Variants in SYNE1 observed in about 807,000 individuals in gnomAD.
SYNE1 encodes the protein spectrin repeat containing nuclear envelope protein 1.
Under a neutral mutation model 1,111.0 loss-of-function variants are expected in SYNE1, and 616 were observed. That is an observed-to-expected ratio of 0.55 (90% CI 0.52 to 0.59). The LOEUF is 0.59. Among genes scored for constraint, SYNE1 ranks in the 20% least tolerant of loss-of-function variants. SYNE1 has a pLI of 0.00. For missense variants in SYNE1, 10,006 were observed against 10,417.0 expected, an observed-to-expected ratio of 0.96 and a Z score of 1.72; for synonymous variants, 3,855 against 3,825.8, an observed-to-expected ratio of 1.01 and a Z score of -0.28.
At position 152,330,224 on chromosome 6, in the gene SYNE1, G is replaced by A; in HGVS notation, c.14461C>T (p.Leu4821=). The A allele has an allele frequency of 6.2e-7, 1 of 1,614,158 alleles. No homozygotes were observed. Among genetic ancestry groups the A allele is most frequent in the Non-Finnish European group, 8.5e-7 (1 of 1,180,028 alleles). The change falls in exon 78 of 146, where the codon CTG becomes TTG. Residue 4821 remains leucine, a synonymous_variant. Coordinates refer to ENST00000367255, the MANE Select transcript of SYNE1 (RefSeq NM_182961.4). ...CCTGAGTCCTGGAGACTTCCTGCCA[G>A]GGAGTGATACATTTTGAGCTTCTCC... ...AEEKLKMYHS[L]AGSLQDSGIV...
At chr6:152,547,308 T>C (rs760012624) in intron 3 of SYNE1, among the ~76,000 whole-genome samples, 3 of 152,144 alleles carry the variant, frequency 2.0e-5, no homozygotes, top group South Asian at 4.1e-4. Context: ...TGCGACCAAA[T>C]AGGGGAAGGA....
intron 3 of SYNE1, among the ~76,000 whole-genome samples, chr6:152,578,090 G>A (rs1433261841): frequency 6.6e-6 from 1 of 151,944 alleles, no homozygotes; most frequent in Non-Finnish European, 1.5e-5. Context: ...GCTACAATAG[G>A]CAGTGAAACA....
chr6:152,562,116 A>G (rs1407255548), intron 3 of SYNE1, among the ~76,000 whole-genome samples: 1 of 152,214 alleles, frequency 6.6e-6, no homozygotes, highest in Non-Finnish European at 1.5e-5. Flanking sequence ...AACAGAGGGA[A>G]GAGACAACCT....
intron 122 of SYNE1, among the ~76,000 whole-genome samples, 178 bp from the exon 123 acceptor site, chr6:152,213,937 AC>A (rs1444594404): frequency 6.6e-6 from 1 of 152,230 alleles, no homozygotes; most frequent in Admixed American, 6.5e-5. Flanking sequence ...GCAGTGGCTC[AC>A]GCCTGTAATC....
chr6:152,183,524 C>A (rs1298413148), intron 128 of SYNE1, among the ~76,000 whole-genome samples: 1 of 152,054 alleles, frequency 6.6e-6, no homozygotes, highest in Non-Finnish European at 1.5e-5. Flanking sequence ...TCGCTTGAGC[C>A]CGGGAGGCGG....
At chr6:152,520,627 A>C in intron 5 of SYNE1, 85 bp from the exon 6 acceptor site, 1 of 1,439,036 alleles carries the variant, frequency 6.9e-7, no homozygotes, top group Non-Finnish European at 9.7e-7. Flanking sequence ...ATGGATTAAA[A>C]ATATACTTGA....
chr6:152,260,023 C>T (rs529624108), intron 101 of SYNE1, among the ~76,000 whole-genome samples: 16 of 152,188 alleles, frequency 1.1e-4, no homozygotes, highest in Admixed American at 5.2e-4. Context: ...GCTGGAGTGT[C>T]GGCTCCAACT....
At chr6:152,273,037 C>T (rs995342276) in intron 98 of SYNE1, among the ~76,000 whole-genome samples, 7 of 152,168 alleles carry the variant, frequency 4.6e-5, no homozygotes, top group Non-Finnish European at 1.0e-4. Context: ...ATTTTATATG[C>T]TGGGAACTTC....
At chr6:152,365,534 A>C (rs1396453882) in intron 62 of SYNE1, among the ~76,000 whole-genome samples, 1 of 152,050 alleles carries the variant, frequency 6.6e-6, no homozygotes, top group Non-Finnish European at 1.5e-5. Flanking sequence ...ATCATAGTTC[A>C]CTGCAGCCTC....
chr6:152,151,203 C>T (rs1185323300), intron 135 of SYNE1, among the ~76,000 whole-genome samples: 1 of 149,024 alleles, frequency 6.7e-6, no homozygotes, highest in South Asian at 2.1e-4. Context: ...GCCTGGGCGA[C>T]AGAGTGAGAC....
At chr6:152,201,591 T>C (rs752149460) in intron 127 of SYNE1, among the ~76,000 whole-genome samples, 3 of 152,162 alleles carry the variant, frequency 2.0e-5, no homozygotes, top group Non-Finnish European at 4.4e-5. Context: ...TATCTTTTAA[T>C]GTGTTTTAAA....
chr6:152,528,166 A>G (rs2099172996), intron 4 of SYNE1, among the ~76,000 whole-genome samples: 1 of 151,914 alleles, frequency 6.6e-6, no homozygotes, highest in Admixed American at 6.6e-5. Context: ...TCACCACTCA[A>G]TCCTGAGTCC....
rs2154063266 is a variant in SYNE1, at chr6:152,359,422, G to A, written c.10336C>T (p.Leu3446=). ...GCCCCTTTGACTTCGATGGTCTCCA[G>A]CAAGCTGCTGTAACTCAGCACTTCT... ...NEEVLSYSSL[L]ETIEVKGAGM... Residue 3446 remains leucine (L), a synonymous_variant, in exon 65 of 146, where the codon CTG becomes TTG. Transcript: ENST00000367255. 2 of 1,614,174 alleles carry A rather than the reference G, an allele frequency of 1.2e-6. No homozygotes were observed. Among genetic ancestry groups the A allele is most frequent in the East Asian group, 4.5e-5 (2 of 44,874 alleles).
intron 58 of SYNE1, among the ~76,000 whole-genome samples, chr6:152,375,587 A>T (rs1312891243): frequency 2.0e-5 from 3 of 152,234 alleles, no homozygotes; most frequent in Non-Finnish European, 2.9e-5. Flanking sequence ...TAGGTTAAAA[A>T]AAAAGACTAG....
intron 14 of SYNE1, 28 bp downstream of exon 14, chr6:152,483,057 T>C (rs984216385): frequency 1.2e-6 from 2 of 1,614,018 alleles, no homozygotes; most frequent in Non-Finnish European, 1.7e-6. Flanking sequence ...GCTGTTATGC[T>C]GCAAGGTTTT....
chr6:152,348,863 G>A (rs1200479762), intron 72 of SYNE1, among the ~76,000 whole-genome samples: 1 of 151,820 alleles, frequency 6.6e-6, no homozygotes, highest in African/African-American at 2.4e-5. Context: ...CAGCAGTCCA[G>A]GGTCTACAAA....
At chr6:152,255,768 C>A in intron 102 of SYNE1, 22 bp from the exon 103 acceptor site, 1 of 1,613,838 alleles carries the variant, frequency 6.2e-7, no homozygotes. Flanking sequence ...AAAACAGGGT[C>A]AAATAATCAA....
intron 3 of SYNE1, among the ~76,000 whole-genome samples, chr6:152,602,117 A>T (rs1167614141): frequency 1.3e-5 from 2 of 152,096 alleles, no homozygotes; most frequent in Admixed American, 6.6e-5. Flanking sequence ...AAAGACTTGG[A>T]TATTGATATG....
At chr6:152,153,383 C>A (rs1428116283) in intron 133 of SYNE1, among the ~76,000 whole-genome samples, 1 of 152,190 alleles carries the variant, frequency 6.6e-6, no homozygotes, top group Non-Finnish European at 1.5e-5. Flanking sequence ...GCGATTGGAC[C>A]AGCTAAAGAC....
Sources: allele counts gnomAD v4.1 joint callset (sites outside exome capture counted in the v4.1 genomes callset), GRCh38; gene constraint gnomAD v4.1.1; transcripts MANE v1.5; gene names NCBI Gene and HGNC (gene_info 2026-07-23, HGNC 2026-07-21).